Variants in SGCZ observed in about 807,000 individuals in gnomAD.
SGCZ encodes sarcoglycan zeta, also known as zeta-sarcoglycan.
In SGCZ, 40 loss-of-function variants were observed where a neutral mutation model predicts 41.3. That is an observed-to-expected ratio of 0.97 (90% CI 0.75 to 1.26). SGCZ has a LOEUF of 1.26. Among genes scored for constraint, SGCZ ranks in the 50% most tolerant of loss-of-function variants. The pLI, the probability that SGCZ is intolerant of heterozygous loss-of-function variation, is 0.00. For missense variants in SGCZ, 552 were observed against 369.8 expected (o/e 1.49, Z -4.04); for synonymous variants, 206 against 137.5 (o/e 1.50, Z -3.49).
At chr8:14,522,108 A>G (rs1802808341) in intron 2 of SGCZ, among the ~76,000 whole-genome samples, 1 of 152,134 alleles carries the variant, frequency 6.6e-6, no homozygotes, top group Non-Finnish European at 1.5e-5. Context: ...AGTCCCTGGT[A>G]GAAACCTTAG....
At position 14,422,001 on chromosome 8, in the gene SGCZ, G is replaced by A. The variant is rs181764320; in HGVS notation, c.235-97797C>T. Among the ~76,000 whole-genome samples the A allele has an allele frequency of 2.0e-3, 299 of 152,102 alleles. 4 individuals are homozygous for A. The highest frequency in any genetic ancestry group is 0.01 in the Middle Eastern group (3 of 294). ...CAATACAAGATTTTTTTATATTAGC[G>A]AAGTCTCCAAAATATGCAACTTATA... On this transcript the variant is annotated intron_variant, in intron 2 of 7. Coordinates refer to ENST00000382080, the MANE Select transcript of SGCZ (RefSeq NM_139167.4).
At chr8:14,894,492 A>G (rs572718921) in intron 1 of SGCZ, among the ~76,000 whole-genome samples, 2 of 152,282 alleles carry the variant, frequency 1.3e-5, no homozygotes, top group African/African-American at 4.8e-5. Flanking sequence ...GAAATGGACA[A>G]GGACTCTTCA....
intron 1 of SGCZ, among the ~76,000 whole-genome samples, chr8:14,961,556 T>C (rs986054786): frequency 1.3e-4 from 20 of 152,300 alleles, no homozygotes; most frequent in African/African-American, 4.8e-4. Context: ...TTATTTTTGT[T>C]AAACTCTTAC....
At chr8:15,042,037 T>A (rs1488768327) in intron 1 of SGCZ, among the ~76,000 whole-genome samples, 1 of 152,222 alleles carries the variant, frequency 6.6e-6, no homozygotes, top group Admixed American at 6.5e-5. Context: ...TATTTTTAGC[T>A]GCATTCTCTT....
intron 3 of SGCZ, among the ~76,000 whole-genome samples, chr8:14,291,924 AG>A (rs1187571819): frequency 1.3e-5 from 2 of 152,000 alleles, no homozygotes; most frequent in Admixed American, 1.3e-4. Flanking sequence ...TCTGTCTAAA[AG>A]CCCCAACTAC....
intron 6 of SGCZ, among the ~76,000 whole-genome samples, chr8:14,105,943 A>T (rs1261607009): frequency 2.0e-5 from 3 of 152,148 alleles, no homozygotes; most frequent in South Asian, 2.1e-4. Context: ...AAATTTAAAA[A>T]TACTTCTATA....
At chr8:14,981,787 G>A (rs1303108999) in intron 1 of SGCZ, among the ~76,000 whole-genome samples, 1 of 152,098 alleles carries the variant, frequency 6.6e-6, no homozygotes, top group Non-Finnish European at 1.5e-5. Context: ...TTTAATCATA[G>A]TGCATATTCT....
chr8:15,214,819 A>G (rs1042172332), intron 1 of SGCZ, among the ~76,000 whole-genome samples: 1 of 152,188 alleles, frequency 6.6e-6, no homozygotes, highest in Non-Finnish European at 1.5e-5. Context: ...TAATTTGGCA[A>G]CTGGTCATTA....
At chr8:14,843,986 T>C (rs150079855) in intron 1 of SGCZ, among the ~76,000 whole-genome samples, 1,733 of 151,530 alleles carry the variant, frequency 0.011, 24 homozygotes, top group African/African-American at 0.04. Context: ...CTATGTTTTG[T>C]GTTCCAGGAA....
intron 2 of SGCZ, among the ~76,000 whole-genome samples, chr8:14,459,506 A>C (rs1326493664): frequency 1.3e-5 from 2 of 152,306 alleles, no homozygotes; most frequent in East Asian, 3.9e-4. Flanking sequence ...AAGTATCGTT[A>C]ATGCAGGCAA....
chr8:15,184,273 A>T lies in SGCZ; in HGVS notation c.39+53312T>A, dbSNP rs77574116. Among the ~76,000 whole-genome samples the T allele has an allele frequency of 8.9e-3, 1,359 of 152,286 alleles. 25 individuals are homozygous for T. The highest frequency in any genetic ancestry group is 0.031 in the African/African-American group (1,276 of 41,562). On this transcript the variant is annotated intron_variant, in intron 1 of 7. Coordinates refer to ENST00000382080, the MANE Select transcript of SGCZ (RefSeq NM_139167.4). Reference sequence around the variant, plus strand: ...ATAATAATTACCTTATGCTTTTAAAATTTTCAATTATATTTAAAACAAACA... The same window carrying T: ...ATAATAATTACCTTATGCTTTTAAATTTTTCAATTATATTTAAAACAAACA...
chr8:14,675,542 T>C (rs1808248553), intron 1 of SGCZ, among the ~76,000 whole-genome samples: 2 of 152,110 alleles, frequency 1.3e-5, no homozygotes, highest in South Asian at 2.1e-4. Flanking sequence ...ATTGTATATA[T>C]AGATTCCTCA....
chr8:14,851,382 A>AG (rs1554511565), intron 1 of SGCZ, among the ~76,000 whole-genome samples: 1 of 143,706 alleles, frequency 7.0e-6, no homozygotes, highest in African/African-American at 2.6e-5. Flanking sequence ...AAAAAAAAAA[A>AG]AAAAAAAAGA....
At chr8:14,979,470 GAA>G (rs1433958126) in intron 1 of SGCZ, among the ~76,000 whole-genome samples, 1 of 152,134 alleles carries the variant, frequency 6.6e-6, no homozygotes, top group African/African-American at 2.4e-5. Flanking sequence ...ATCTCTTTTG[GAA>G]ATTTTAATGG....
chr8:14,157,701 G>A (rs1471976691), intron 5 of SGCZ, among the ~76,000 whole-genome samples: 1 of 152,062 alleles, frequency 6.6e-6, no homozygotes, highest in African/African-American at 2.4e-5. Context: ...TTCTTACTAG[G>A]TATCTGGAAA....
At chr8:14,708,664 C>T (rs1209805639) in intron 1 of SGCZ, among the ~76,000 whole-genome samples, 1 of 151,960 alleles carries the variant, frequency 6.6e-6, no homozygotes, top group African/African-American at 2.4e-5. Flanking sequence ...CATGCAACAT[C>T]GTAAATCCAA....
intron 2 of SGCZ, among the ~76,000 whole-genome samples, chr8:14,339,611 T>A (rs2117074026): frequency 6.6e-6 from 1 of 152,258 alleles, no homozygotes; most frequent in South Asian, 2.1e-4. Context: ...TGCAGCCATG[T>A]TAGGAGGTTG....
chr8:14,565,009 C>T (rs540959647), intron 1 of SGCZ, among the ~76,000 whole-genome samples: 3 of 151,666 alleles, frequency 2.0e-5, no homozygotes, highest in Middle Eastern at 3.4e-3. Context: ...TTTTGCAGCA[C>T]GGAAAAGAAG....
intron 2 of SGCZ, among the ~76,000 whole-genome samples, chr8:14,418,408 A>G (rs1428208525): frequency 1.3e-5 from 2 of 151,924 alleles, no homozygotes; most frequent in Non-Finnish European, 2.9e-5. Flanking sequence ...AAAAGATAGA[A>G]TTAGTTTGTG....
Sources: allele counts gnomAD v4.1 joint callset (sites outside exome capture counted in the v4.1 genomes callset), GRCh38; gene constraint gnomAD v4.1.1; transcripts MANE v1.5; gene names NCBI Gene and HGNC (gene_info 2026-07-23, HGNC 2026-07-21).